MME: variants seen among roughly 807,000 people sequenced by gnomAD.
MME encodes the protein neprilysin.
MME carries 98 observed loss-of-function variants against 113.2 expected under a neutral mutation model. That is an observed-to-expected ratio of 0.87 (90% CI 0.74 to 1.02). MME has a LOEUF of 1.02. Among genes scored for constraint, MME ranks in the 50% least tolerant of loss-of-function variants. MME has a pLI of 0.00. For missense variants in MME, 836 were observed against 896.0 expected, an observed-to-expected ratio of 0.93 and a Z score of 0.86; for synonymous variants, 292 against 300.6, an observed-to-expected ratio of 0.97 and a Z score of 0.30.
intron 16 of MME, among the ~76,000 whole-genome samples, chr3:155,153,563 G>A (rs1025896230): frequency 3.9e-5 from 6 of 152,092 alleles, no homozygotes; most frequent in African/African-American, 1.4e-4. Context: ...AGATGTACAA[G>A]AACAAAACAA....
At chr3:155,146,892 TA>T (rs2108322216) in intron 14 of MME, among the ~76,000 whole-genome samples, 1 of 152,290 alleles carries the variant, frequency 6.6e-6, no homozygotes, top group South Asian at 2.1e-4. Context: ...TGTCAGTTTT[TA>T]TGTTGGTTTT....
At chr3:155,117,043 A>G in intron 7 of MME, 57 bp downstream of exon 7, 1 of 969,860 alleles carries the variant, frequency 1.0e-6, no homozygotes, top group South Asian at 1.3e-5. Flanking sequence ...AAACTTCCAC[A>G]TACATTGTTG....
At chr3:155,118,947 A>G (rs1383789349) in intron 8 of MME, 136 bp downstream of exon 8, 2 of 670,954 alleles carry the variant, frequency 3.0e-6, no homozygotes, top group Non-Finnish European at 5.4e-6. Flanking sequence ...AAAATCACAC[A>G]TAATAGTGAG....
intron 8 of MME, among the ~76,000 whole-genome samples, chr3:155,126,213 C>G (rs1719638396): frequency 6.6e-6 from 1 of 152,120 alleles, no homozygotes; most frequent in Non-Finnish European, 1.5e-5. Flanking sequence ...CTTTCTGTTA[C>G]AGATTTGAAA....
chr3:155,144,151 C>A (rs372295626), intron 13 of MME, among the ~76,000 whole-genome samples: 15 of 152,060 alleles, frequency 9.9e-5, no homozygotes, highest in African/African-American at 3.6e-4. Context: ...ATATTAAGAC[C>A]TATTTAATCA....
At chr3:155,153,507 A>G (rs1722100746) in intron 16 of MME, among the ~76,000 whole-genome samples, 1 of 152,186 alleles carries the variant, frequency 6.6e-6, no homozygotes, top group African/African-American at 2.4e-5. Flanking sequence ...AGTAACATGA[A>G]TTTTCATTTA....
At chr3:155,035,637 G>C (rs768630301) in intron 1 of MME, among the ~76,000 whole-genome samples, 1 of 150,646 alleles carries the variant, frequency 6.6e-6, no homozygotes, top group Non-Finnish European at 1.5e-5. Context: ...ATATATGGGG[G>C]GCAGGTACCC....
At chr3:155,074,575 G>T (rs1714683037) in intron 1 of MME, among the ~76,000 whole-genome samples, 1 of 151,932 alleles carries the variant, frequency 6.6e-6, no homozygotes, top group African/African-American at 2.4e-5. Context: ...GGGATTACAA[G>T]CACGTGCCAC....
In MME at chr3:155,172,589, T is replaced by A; in HGVS notation, c.2130T>A (p.Asp710Glu). ...PEYAVNSIKT[D>E]VHSPGNFRII... Reference sequence around the variant, plus strand: ...ATGCGGTTAACTCCATTAAAACAGATGTGCACAGTCCAGGCAATTTCAGGT... The same window carrying A: ...ATGCGGTTAACTCCATTAAAACAGAAGTGCACAGTCCAGGCAATTTCAGGT... The change falls in exon 22 of 23, where the codon GAT (aspartate) becomes GAA (glutamate). Residue 710 changes from aspartate to glutamate, a missense_variant. Transcript: ENST00000360490. 2 of 1,613,018 alleles carry A rather than the reference T, an allele frequency of 1.2e-6. No individual in the cohort carries two copies. Among genetic ancestry groups the A allele is most frequent in the Non-Finnish European group, 1.7e-6 (2 of 1,179,164 alleles).
chr3:155,063,350 GTATAT>G (rs531502413), intron 1 of MME, among the ~76,000 whole-genome samples: 1,490 of 101,184 alleles, frequency 0.015, 47 homozygotes, highest in African/African-American at 0.057. Context: ...ATTATATAAT[GTATAT>G]TATATTTATA....
At chr3:155,146,236 G>C (rs1226040373) in intron 14 of MME, among the ~76,000 whole-genome samples, 1 of 152,086 alleles carries the variant, frequency 6.6e-6, no homozygotes, top group Non-Finnish European at 1.5e-5. Context: ...TAGAAGTAGT[G>C]ATAAATAGGC....
At position 155,148,637 on chromosome 3, in the gene MME, A is replaced by C. The variant is rs1721704529; in HGVS notation, c.1585A>C (p.Lys529Gln). The stretch of plus-strand genomic sequence containing the variant: ...TAAACAACTGAAGAAGCTCCGAGAA[A>C]AGGTGGACAAAGATGAGTGCGTATA... ...QSKQLKKLRE[K>Q]VDKDEWISGA... Residue 529 changes from lysine (K) to glutamine (Q), a missense_variant, in exon 16 of 23, where the codon AAG becomes CAG. By Grantham distance (53) the Lys-to-Gln change is moderately conservative. Coordinates refer to ENST00000360490, the MANE Select transcript of MME (RefSeq NM_007289.4). 1 of 1,611,620 alleles carries C rather than the reference A, an allele frequency of 6.2e-7. No individual in the cohort carries two copies. The highest frequency in any genetic ancestry group is 8.5e-7 in the Non-Finnish European group (1 of 1,178,052).
intron 10 of MME, among the ~76,000 whole-genome samples, chr3:155,141,247 A>C (rs932259948): frequency 3.3e-5 from 5 of 152,208 alleles, no homozygotes; most frequent in African/African-American, 1.2e-4. Context: ...GTGTTTAATA[A>C]ATACGTTTTG....
intron 3 of MME, among the ~76,000 whole-genome samples, chr3:155,089,501 T>A (rs1716089189): frequency 6.6e-6 from 1 of 152,210 alleles, no homozygotes. Context: ...CCAGTAGCAG[T>A]CCTCTCCTAG....
intron 3 of MME, among the ~76,000 whole-genome samples, chr3:155,094,915 A>G (rs1158089361): frequency 6.6e-6 from 1 of 152,232 alleles, no homozygotes; most frequent in East Asian, 1.9e-4. Flanking sequence ...TGCGTGGTCC[A>G]TGGACCAACA....
At chr3:155,142,148 A>C in intron 11 of MME, 21 bp downstream of exon 11, 1 of 1,613,738 alleles carries the variant, frequency 6.2e-7, no homozygotes, top group Non-Finnish European at 8.5e-7. Context: ...CACAGTCCCC[A>C]TGTCCTCAAA....
chr3:155,133,295 T>A (rs1342891966), intron 8 of MME, among the ~76,000 whole-genome samples: 1 of 151,572 alleles, frequency 6.6e-6, no homozygotes, highest in Admixed American at 6.6e-5. Context: ...TCAGTTACAT[T>A]GGAGTAGTTA....
chr3:155,107,384 G>A (rs181731950), intron 3 of MME, among the ~76,000 whole-genome samples: 1 of 151,906 alleles, frequency 6.6e-6, no homozygotes, highest in African/African-American at 2.4e-5. Flanking sequence ...ATAGTCAACG[G>A]AGGAATTTTG....
chr3:155,041,205 A>C (rs73874467), intron 1 of MME, among the ~76,000 whole-genome samples: 8,061 of 152,076 alleles, frequency 0.053, 622 homozygotes, highest in African/African-American at 0.17. Context: ...AGTCTGGTCC[A>C]TGTCACCATG....
Sources: allele counts gnomAD v4.1 joint callset (sites outside exome capture counted in the v4.1 genomes callset), GRCh38; gene constraint gnomAD v4.1.1; transcripts MANE v1.5; gene names NCBI Gene and HGNC (gene_info 2026-07-23, HGNC 2026-07-21).